PEBP4: variants seen among roughly 807,000 people sequenced by gnomAD.
PEBP4 encodes phosphatidylethanolamine binding protein 4.
In PEBP4, 22 loss-of-function variants were observed where a neutral mutation model predicts 23.9. The observed-to-expected ratio is 0.92, with a 90% CI of 0.66 to 1.31. The LOEUF (loss-of-function observed/expected upper bound fraction) is 1.31, where lower values mean the gene tolerates loss of function less well. Ranked by LOEUF, PEBP4 falls within the 40% of genes most tolerant of loss-of-function variation. PEBP4 has a pLI of 0.00. For missense variants in PEBP4, 324 were observed against 281.7 expected, an observed-to-expected ratio of 1.15 and a Z score of -1.07; for synonymous variants, 112 against 99.3, an observed-to-expected ratio of 1.13 and a Z score of -0.76.
Position 22,755,393 on chromosome 8 carries a change from T to C in PEBP4, c.358-28173A>G, listed in dbSNP as rs146349493. Among the ~76,000 whole-genome samples, 459 of 140,982 alleles carry C rather than the reference T, an allele frequency of 3.3e-3. 1 individual carries two copies. The highest frequency in any genetic ancestry group is 0.012 in the African/African-American group (445 of 37,860). 92.5% of individuals were successfully genotyped at this position (140,982 alleles called of 152,430 possible). A position where few individuals can be genotyped will look rare whatever the true frequency, so the allele number is the denominator to read the frequency against. ...CTCTGTCACCCAGGCTGCCGCGCAGTGGCGTGATCTCGGCTCATTGCAACC... is the reference window on the plus strand; with the variant it reads ...CTCTGTCACCCAGGCTGCCGCGCAGCGGCGTGATCTCGGCTCATTGCAACC... On this transcript the variant is annotated intron_variant, in intron 4 of 6. Coordinates refer to ENST00000256404, the MANE Select transcript of PEBP4 (RefSeq NM_144962.3).
chr8:22,788,680 C>T (rs1806076503), intron 4 of PEBP4, among the ~76,000 whole-genome samples: 1 of 152,178 alleles, frequency 6.6e-6, no homozygotes, highest in Non-Finnish European at 1.5e-5. Flanking sequence ...GCTATGAATT[C>T]TAAATTGATA....
intron 1 of PEBP4, among the ~76,000 whole-genome samples, chr8:22,933,158 T>A (rs1349400506): frequency 6.6e-6 from 1 of 152,222 alleles, no homozygotes; most frequent in Non-Finnish European, 1.5e-5. Context: ...TGCAATGCTC[T>A]AATCTGTCTG....
chr8:22,811,095 CTT>C (rs1319751274), intron 4 of PEBP4, among the ~76,000 whole-genome samples: 1 of 152,118 alleles, frequency 6.6e-6, no homozygotes, highest in Non-Finnish European at 1.5e-5. Context: ...CTCTCTCTCT[CTT>C]TCTCCTTAGT....
chr8:22,858,745 G>A (rs142307395), intron 3 of PEBP4, among the ~76,000 whole-genome samples: 1,728 of 152,234 alleles, frequency 0.011, 29 homozygotes, highest in African/African-American at 0.04. Context: ...CCAGGAGTTC[G>A]AAACCAGCCT....
At position 22,868,396 on chromosome 8, in the gene PEBP4, T is replaced by C. The variant is rs529596086; in HGVS notation, c.259-50661A>G. ...TGCTTTCCTCTGGGTGTGCCCGGTGTGTGTGCTGCCTGCCTGCATTCTCTC... is the reference window on the plus strand; with the variant it reads ...TGCTTTCCTCTGGGTGTGCCCGGTGCGTGTGCTGCCTGCCTGCATTCTCTC... On this transcript the variant is annotated intron_variant, in intron 3 of 6. Transcript: ENST00000256404. Among the ~76,000 whole-genome samples the C allele has an allele frequency of 2.6e-5, 4 of 152,248 alleles. No homozygotes were observed. The South Asian group carries it at 8.3e-4, about 32-fold the overall frequency.
intron 4 of PEBP4, among the ~76,000 whole-genome samples, chr8:22,805,468 A>C (rs1440283953): frequency 1.3e-5 from 2 of 152,268 alleles, no homozygotes; most frequent in East Asian, 3.9e-4. Flanking sequence ...CTGGGATTAC[A>C]GGCATGCGCC....
intron 3 of PEBP4, chr8:22,884,560 C>T (rs539667983): frequency 6.6e-6 from 1 of 152,234 alleles, no homozygotes; most frequent in African/African-American, 2.4e-5. Flanking sequence ...GTTGACAAGA[C>T]TCACTCAGTG....
At chr8:22,938,336 C>G (rs117066681) in intron 1 of PEBP4, among the ~76,000 whole-genome samples, 1 of 152,150 alleles carries the variant, frequency 6.6e-6, no homozygotes, top group African/African-American at 2.4e-5. Flanking sequence ...CTGTCTGTAA[C>G]GGACACCTTT....
intron 4 of PEBP4, among the ~76,000 whole-genome samples, chr8:22,734,693 G>C (rs1179722218): frequency 6.6e-6 from 1 of 152,190 alleles, no homozygotes; most frequent in Admixed American, 6.5e-5. Context: ...AGTTGGGTGG[G>C]CACTATTGAA....
At position 22,724,826 on chromosome 8, in the gene PEBP4, G is replaced by A. The variant is rs7463564; in HGVS notation, c.517+17C>T. The stretch of plus-strand genomic sequence containing the variant: ...GAATTCACCCCGGTGGTGGCTGGAA[G>A]GATGGGGAGGTCTTACCTCGAGTTT... On this transcript the variant is annotated intron_variant, in intron 6 of 6. Transcript: ENST00000256404. 9.5e-6 allele frequency: 15 copies of A among 1,582,588 alleles called. No homozygotes were observed. In the East Asian group the frequency reaches 2.9e-4, roughly 31 times the overall value.
intron 4 of PEBP4, among the ~76,000 whole-genome samples, chr8:22,814,136 G>C (rs1474512259): frequency 1.3e-5 from 2 of 152,152 alleles, no homozygotes; most frequent in Non-Finnish European, 2.9e-5. Flanking sequence ...CATAACAACA[G>C]TGTGAAGTAG....
chr8:22,884,576 C>G (rs1053718011), intron 3 of PEBP4: 3 of 152,210 alleles, frequency 2.0e-5, no homozygotes, highest in Non-Finnish European at 2.9e-5. Context: ...CAGTGCATGA[C>G]TTGAGAGCAC....
intron 3 of PEBP4, among the ~76,000 whole-genome samples, chr8:22,821,226 T>C (rs1806850827): frequency 6.6e-6 from 1 of 152,054 alleles, no homozygotes; most frequent in Non-Finnish European, 1.5e-5. Context: ...AGACACATGA[T>C]GAGACATGAA....
rs770393477 is a variant in PEBP4, at chr8:22,769,506, C to T, written c.358-42286G>A. Among the ~76,000 whole-genome samples, 73 of 152,196 alleles carry T rather than the reference C, an allele frequency of 4.8e-4. 1 individual carries two copies. Among genetic ancestry groups the T allele is most frequent in the Admixed American group, 3.9e-3 (59 of 15,282 alleles). On this transcript the variant is annotated intron_variant, in intron 4 of 6. Transcript: ENST00000256404. ...AGCAAAGACCTTCCCTGCTGTGTGC[C>T]TCAGTTTCCTTTCTGAGACCCTTCC... is the stretch of plus-strand genomic sequence containing the variant.
intron 4 of PEBP4, among the ~76,000 whole-genome samples, chr8:22,733,203 T>C (rs181086807): frequency 3.7e-4 from 56 of 152,286 alleles, no homozygotes; most frequent in African/African-American, 1.3e-3. Flanking sequence ...TCCTCGAGGG[T>C]GGGGACTACA....
intron 4 of PEBP4, among the ~76,000 whole-genome samples, chr8:22,764,766 C>T (rs1306710535): frequency 1.3e-5 from 2 of 151,814 alleles, no homozygotes; most frequent in Non-Finnish European, 2.9e-5. Flanking sequence ...GGTCATACAC[C>T]CCATGGCATC....
chr8:22,718,106 C>T (rs1476786658), intron 6 of PEBP4, among the ~76,000 whole-genome samples: 1 of 152,044 alleles, frequency 6.6e-6, no homozygotes, highest in African/African-American at 2.4e-5. Context: ...CAGAGGCTTT[C>T]GGGTAGTGGG....
chr8:22,893,986 G>A (rs998818792), intron 3 of PEBP4, among the ~76,000 whole-genome samples: 4 of 152,136 alleles, frequency 2.6e-5, no homozygotes, highest in African/African-American at 9.7e-5. Context: ...CAAGACACAT[G>A]AGAAAACTAC....
chr8:22,827,556 G>C (rs925565515), intron 3 of PEBP4, among the ~76,000 whole-genome samples: 1 of 152,044 alleles, frequency 6.6e-6, no homozygotes, highest in African/African-American at 2.4e-5. Context: ...CATCCATGCT[G>C]TACATGTATT....
Sources: allele counts gnomAD v4.1 joint callset (sites outside exome capture counted in the v4.1 genomes callset), GRCh38; gene constraint gnomAD v4.1.1; transcripts MANE v1.5; gene names NCBI Gene and HGNC (gene_info 2026-07-23, HGNC 2026-07-21).